OSBPL6: variants seen among roughly 807,000 people sequenced by gnomAD.
The protein encoded by OSBPL6 is oxysterol-binding protein-related protein 6.
A neutral mutation model predicts 125.8 loss-of-function variants in OSBPL6; 49 were observed. The ratio of observed to expected loss-of-function variants is 0.39; its 90% confidence interval spans 0.31 to 0.49. The LOEUF is 0.49. Ranked by LOEUF, OSBPL6 falls within the 20% of genes least tolerant of loss-of-function variation. The pLI is 0.88. For synonymous variants in OSBPL6, 394 were observed against 391.8 expected (o/e 1.01, Z -0.07); for missense variants, 986 against 1,135.4 (o/e 0.87, Z 1.89).
chr2:178,339,089 A>G lies in OSBPL6; in HGVS notation c.889A>G (p.Met297Val), dbSNP rs894551874. Residue 297 changes from methionine (M) to valine (V), a missense_variant, in exon 10 of 25, where the codon ATG (methionine) becomes GTG (valine). This residue lies in a region of OSBPL6 where 843 missense variants were observed against 997.3 expected (regional missense o/e 0.85). Coordinates refer to ENST00000190611, the MANE Select transcript of OSBPL6 (RefSeq NM_032523.4). ...RTQSAPNFTD[M>V]QANCVDISKK... Reference sequence around the variant, plus strand: ...TCAGTCGGCACCTAACTTTACTGACATGCAGGTAAACATATTCCTGCTGCT... The same window carrying G: ...TCAGTCGGCACCTAACTTTACTGACGTGCAGGTAAACATATTCCTGCTGCT... The G allele has an allele frequency of 6.3e-7, 1 of 1,592,148 alleles. No individual in the cohort carries two copies. Among genetic ancestry groups the G allele is most frequent in the African/African-American group, 1.3e-5 (1 of 74,368 alleles).
At chr2:178,218,496 G>C (rs2090185223) in intron 1 of OSBPL6, among the ~76,000 whole-genome samples, 1 of 151,752 alleles carries the variant, frequency 6.6e-6, no homozygotes, top group Non-Finnish European at 1.5e-5. Flanking sequence ...GAGGTATTCT[G>C]GGTTGGTAAT....
intron 3 of OSBPL6, among the ~76,000 whole-genome samples, chr2:178,310,015 A>C (rs1687123225): frequency 1.3e-5 from 2 of 152,200 alleles, no homozygotes; most frequent in South Asian, 4.1e-4. Context: ...CCGAAGTAAG[A>C]ACTTTTTATT....
At chr2:178,198,568 C>T (rs775593703) in intron 1 of OSBPL6, among the ~76,000 whole-genome samples, 10 of 150,046 alleles carry the variant, frequency 6.7e-5, no homozygotes, top group East Asian at 4.0e-4. Context: ...TGCAGTGAGC[C>T]GAGATTGCAC....
intron 1 of OSBPL6, among the ~76,000 whole-genome samples, chr2:178,220,615 A>G (rs1023054977): frequency 6.6e-6 from 1 of 152,204 alleles, no homozygotes. Flanking sequence ...CAAAAAGTGA[A>G]TAGTGTTCTT....
intron 3 of OSBPL6, among the ~76,000 whole-genome samples, chr2:178,306,677 C>T (rs1443292666): frequency 2.0e-5 from 3 of 152,184 alleles, no homozygotes; most frequent in Non-Finnish European, 4.4e-5. Flanking sequence ...CAAGCCCTAA[C>T]TCTGTTTGGT....
chr2:178,366,477 C>T (rs1692840350), intron 13 of OSBPL6, among the ~76,000 whole-genome samples: 1 of 152,028 alleles, frequency 6.6e-6, no homozygotes, highest in Non-Finnish European at 1.5e-5. Context: ...AATCAAGATG[C>T]CATCAATTAT....
intron 1 of OSBPL6, chr2:178,230,369 G>T (rs2090766091): frequency 6.6e-6 from 1 of 152,170 alleles, no homozygotes; most frequent in African/African-American, 2.4e-5. Context: ...CAATAGGTGG[G>T]CACAGTTTGA....
intron 12 of OSBPL6, among the ~76,000 whole-genome samples, chr2:178,357,118 C>A (rs1691867939): frequency 6.6e-6 from 1 of 152,164 alleles, no homozygotes; most frequent in Admixed American, 6.5e-5. Context: ...AACGTTAGAC[C>A]TAAAACTGTA....
intron 1 of OSBPL6, among the ~76,000 whole-genome samples, chr2:178,195,381 GCAT>G (rs2088825013): frequency 6.6e-6 from 1 of 152,200 alleles, no homozygotes; most frequent in Non-Finnish European, 1.5e-5. Flanking sequence ...TGCTTCCCCT[GCAT>G]CAAGCCGGGA....
chr2:178,350,030 A>T (rs1691106998), intron 12 of OSBPL6, among the ~76,000 whole-genome samples: 1 of 152,240 alleles, frequency 6.6e-6, no homozygotes, highest in Non-Finnish European at 1.5e-5. Context: ...CTTCAAGGCC[A>T]GCTCTGGAAC....
intron 13 of OSBPL6, among the ~76,000 whole-genome samples, chr2:178,369,306 A>G (rs1693155605): frequency 6.6e-6 from 1 of 152,208 alleles, no homozygotes; most frequent in Non-Finnish European, 1.5e-5. Context: ...CTCTTATCAG[A>G]GAGCCAAATA....
At chr2:178,296,822 C>T (rs1320726246) in intron 2 of OSBPL6, among the ~76,000 whole-genome samples, 1 of 152,200 alleles carries the variant, frequency 6.6e-6, no homozygotes, top group Non-Finnish European at 1.5e-5. Flanking sequence ...TTCCTTCTCT[C>T]ATGTAACAAT....
intron 1 of OSBPL6, among the ~76,000 whole-genome samples, chr2:178,209,665 C>T (rs1394027789): frequency 6.6e-6 from 1 of 151,672 alleles, no homozygotes; most frequent in African/African-American, 2.4e-5. Flanking sequence ...GAGTGAGTCC[C>T]CAAGGGAGCT....
intron 1 of OSBPL6, among the ~76,000 whole-genome samples, chr2:178,200,246 C>CTTTTT (rs1559108007): frequency 3.0e-5 from 4 of 133,600 alleles, no homozygotes; most frequent in Admixed American, 7.3e-5. Flanking sequence ...TTTCTTCAGA[C>CTTTTT]CTTTTTTTTT....
chr2:178,306,329 T>G, intron 3 of OSBPL6, 43 bp downstream of exon 3: 1 of 1,171,630 alleles, frequency 8.5e-7, no homozygotes, highest in Non-Finnish European at 1.3e-6. Flanking sequence ...TTTATGCAAA[T>G]GCAATACCAC....
intron 13 of OSBPL6, among the ~76,000 whole-genome samples, chr2:178,363,207 C>CTGCT (rs999164697): frequency 2.0e-5 from 3 of 152,124 alleles, no homozygotes; most frequent in Admixed American, 2.0e-4. Flanking sequence ...TCTTGCTTGC[C>CTGCT]TGCTTGCTTG....
Position 178,394,395 on chromosome 2 carries a change from A to G in OSBPL6, c.2656A>G (p.Met886Val), listed in dbSNP as rs141865740. The change falls in exon 24 of 25, where the codon ATG becomes GTG. Residue 886 changes from methionine to valine, a missense_variant. By Grantham distance (21) the Met-to-Val change is conservative. Coordinates refer to ENST00000190611, the MANE Select transcript of OSBPL6 (RefSeq NM_032523.4). ...EELQRSRRRY[M>V]EENNLEHIPK... is the part of the protein sequence containing the mutation. ...ACTCCAGAGATCTCGGAGACGATAT[A>G]TGGAAGAAAACAATCTTGAACATAT... 1.5e-5 allele frequency: 25 copies of G among 1,613,074 alleles called. No individual in the cohort carries two copies. Among genetic ancestry groups the G allele is most frequent in the Non-Finnish European group, 1.9e-5 (23 of 1,179,546 alleles).
intron 2 of OSBPL6, among the ~76,000 whole-genome samples, chr2:178,293,553 G>A (rs1007662834): frequency 1.3e-5 from 2 of 152,098 alleles, no homozygotes; most frequent in Admixed American, 6.6e-5. Flanking sequence ...GGGCACATGA[G>A]ATGTTTTGAT....
chr2:178,367,954 G>C (rs552847746), intron 13 of OSBPL6, among the ~76,000 whole-genome samples: 1 of 152,194 alleles, frequency 6.6e-6, no homozygotes, highest in African/African-American at 2.4e-5. Context: ...CTCATTGGCT[G>C]GTTCCAGGGG....
Sources: allele counts gnomAD v4.1 joint callset (sites outside exome capture counted in the v4.1 genomes callset), GRCh38; gene constraint gnomAD v4.1.1; regional missense constraint gnomAD v4.1.1; transcripts MANE v1.5; gene names NCBI Gene and HGNC (gene_info 2026-07-23, HGNC 2026-07-21).